DMC1: variants seen among roughly 807,000 people sequenced by gnomAD.
The protein encoded by DMC1 is meiotic recombination protein DMC1 homolog.
In DMC1, 27 loss-of-function variants were observed where a neutral mutation model predicts 50.1. The ratio of observed to expected loss-of-function variants is 0.54; its 90% CI spans 0.40 to 0.74. DMC1 has a LOEUF of 0.74. DMC1 is among the 30% of genes least tolerant of loss of function. The pLI, the probability that DMC1 is intolerant of heterozygous loss-of-function variation, is 0.00. For synonymous variants in DMC1, 148 were observed against 136.1 expected (o/e 1.09, Z -0.61); for missense variants, 295 against 420.2 (o/e 0.70, Z 2.60).
chr22:38,536,093 T>C (rs751693288), intron 12 of DMC1, among the ~76,000 whole-genome samples: 1 of 151,476 alleles, frequency 6.6e-6, no homozygotes, highest in Non-Finnish European at 1.5e-5. Context: ...TGGCGATGTG[T>C]GCCTCCCAGC....
intron 4 of DMC1, 130 bp downstream of exon 4, chr22:38,566,460 A>C (rs1046628494): frequency 1.0e-6 from 1 of 965,116 alleles, no homozygotes; most frequent in Admixed American, 2.0e-5. Context: ...AAAAGTTAAC[A>C]TGGGGAGTAT....
At chr22:38,543,042 C>A (rs2090303619) in intron 8 of DMC1, among the ~76,000 whole-genome samples, 1 of 152,052 alleles carries the variant, frequency 6.6e-6, no homozygotes, top group Non-Finnish European at 1.5e-5. Flanking sequence ...TCACCATATA[C>A]AAAAATCAAA....
intron 12 of DMC1, among the ~76,000 whole-genome samples, chr22:38,526,345 G>C (rs1243899026): frequency 6.6e-6 from 1 of 152,002 alleles, no homozygotes; most frequent in East Asian, 1.9e-4. Context: ...GCTAGTAGTA[G>C]ATTACAGGTA....
At chr22:38,543,230 GTTT>G (rs1234016755) in intron 8 of DMC1, among the ~76,000 whole-genome samples, 2 of 131,526 alleles carry the variant, frequency 1.5e-5, no homozygotes, top group Admixed American at 7.7e-5. Flanking sequence ...CCTGTAAATT[GTTT>G]TTTTTTTTTT....
At chr22:38,567,265 T>C (rs1385416825) in intron 3 of DMC1, among the ~76,000 whole-genome samples, 1 of 152,228 alleles carries the variant, frequency 6.6e-6, no homozygotes, top group Non-Finnish European at 1.5e-5. Flanking sequence ...TATCAACTGA[T>C]TGCTGTTGAA....
chr22:38,523,460 G>C (rs1188725134), intron 12 of DMC1, among the ~76,000 whole-genome samples: 1 of 152,154 alleles, frequency 6.6e-6, no homozygotes, highest in Non-Finnish European at 1.5e-5. Context: ...TGAACTCCGA[G>C]CCTGCAAACA....
chr22:38,541,146 T>C, intron 8 of DMC1, among the ~76,000 whole-genome samples: 1 of 152,066 alleles, frequency 6.6e-6, no homozygotes, highest in Non-Finnish European at 1.5e-5. Context: ...CTCCATGATT[T>C]AGCAGGAGAT....
chr22:38,553,366 T>G (rs139575484), intron 6 of DMC1, among the ~76,000 whole-genome samples: 1 of 147,494 alleles, frequency 6.8e-6, no homozygotes, highest in African/African-American at 2.5e-5. Flanking sequence ...GGTGTGGTGG[T>G]GGGCGCCTGT....
At chr22:38,533,395 C>CAAAAAAA (rs1296043692) in intron 12 of DMC1, among the ~76,000 whole-genome samples, 12 of 38,432 alleles carry the variant, frequency 3.1e-4, no homozygotes, top group East Asian at 8.1e-4. Context: ...GACTCCATCA[C>CAAAAAAA]AAAAAAAAAA....
the DMC1 span, among the ~76,000 whole-genome samples, chr22:38,513,824 T>A: frequency 6.6e-6 from 1 of 152,200 alleles, no homozygotes; most frequent in Non-Finnish European, 1.5e-5. Flanking sequence ...CCTCGGCCTC[T>A]CAAAGTGCTG....
intron 7 of DMC1, among the ~76,000 whole-genome samples, chr22:38,550,977 GA>G (rs1373690956): frequency 2.9e-5 from 4 of 140,254 alleles, no homozygotes; most frequent in South Asian, 4.7e-4. Context: ...AAAGAAAAAA[GA>G]AAAAAAAGAA....
rs756032722 is a variant in DMC1 at position 38,568,234 on chromosome 22, G to A, written c.23C>T (p.Ala8Val). 8 of 1,613,938 alleles carry A rather than the reference G, an allele frequency of 5.0e-6. No individual in the cohort carries two copies. The highest frequency in any genetic ancestry group is 4.5e-5 in the East Asian group (2 of 44,870). Residue 8 changes from alanine (A) to valine (V), a missense_variant, in exon 2 of 14, where the codon GCG (alanine) becomes GTG (valine). Transcript: ENST00000216024. Reference sequence around the variant, plus strand: ...TTCATCTTGGAATCCTGGTTCTTCCGCCACAACTTGATCCTCCTTCATATT... The same window carrying A: ...TTCATCTTGGAATCCTGGTTCTTCCACCACAACTTGATCCTCCTTCATATT... MKEDQVVAEEPGFQDEEE... is the reference protein window; with the variant it reads MKEDQVVVEEPGFQDEEE...
At chr22:38,542,546 A>G (rs2090294861) in intron 8 of DMC1, among the ~76,000 whole-genome samples, 1 of 152,220 alleles carries the variant, frequency 6.6e-6, no homozygotes, top group Non-Finnish European at 1.5e-5. Context: ...GATGAAATAC[A>G]TTGAAGAGGA....
intron 12 of DMC1, among the ~76,000 whole-genome samples, chr22:38,536,353 T>A (rs1253386748): frequency 6.6e-6 from 1 of 152,180 alleles, no homozygotes; most frequent in African/African-American, 2.4e-5. Flanking sequence ...TTTGATTGCT[T>A]ATTCAGACAC....
intron 12 of DMC1, among the ~76,000 whole-genome samples, chr22:38,528,575 C>T (rs1358994918): frequency 6.6e-6 from 1 of 151,802 alleles, no homozygotes; most frequent in African/African-American, 2.4e-5. Context: ...CCTTGGAGGC[C>T]CACAAGTTTG....
intron 13 of DMC1, among the ~76,000 whole-genome samples, chr22:38,520,532 A>C (rs1456850121): frequency 4.0e-5 from 6 of 151,884 alleles, no homozygotes; most frequent in African/African-American, 1.5e-4. Context: ...TAATTTTTGT[A>C]TTTTTAGTAG....
intron 1 of DMC1, 82 bp downstream of exon 1, chr22:38,569,961 A>G (rs529629507): frequency 1.3e-5 from 2 of 152,358 alleles, no homozygotes; most frequent in South Asian, 4.1e-4. Context: ...GACCCCAAAA[A>G]AGGAGCGAGA....
At chr22:38,546,945 T>C (rs571676374) in intron 8 of DMC1, among the ~76,000 whole-genome samples, 3 of 152,296 alleles carry the variant, frequency 2.0e-5, no homozygotes, top group Non-Finnish European at 4.4e-5. Flanking sequence ...AAGAAATAAG[T>C]ATTACAGCAA....
At position 38,519,933 on chromosome 22, in the gene DMC1, C is replaced by G. The variant is rs906162306; in HGVS notation, c.*87G>C. The G allele has an allele frequency of 9.0e-7, 1 of 1,107,316 alleles. No individual in the cohort carries two copies. The highest frequency in any genetic ancestry group is 1.4e-6 in the Non-Finnish European group (1 of 724,338). 68.6% of individuals were successfully genotyped at this position (1,107,316 alleles called of 1,614,324 possible). A position where few individuals can be genotyped will look rare whatever the true frequency, so the allele number is the denominator to read the frequency against. ...TTTAGTAACATGTGGGAAAAAACCTCTATTTCAAGATGTGAAATTGGAGAC... is the reference window on the plus strand; with the variant it reads ...TTTAGTAACATGTGGGAAAAAACCTGTATTTCAAGATGTGAAATTGGAGAC... On this transcript the variant is annotated 3_prime_UTR_variant, in exon 14 of 14. Transcript: ENST00000216024.
Sources: gnomAD v4.1 joint callset for allele counts (sites outside exome capture counted in the v4.1 genomes callset) on GRCh38, gnomAD v4.1.1 for gene constraint, MANE v1.5 for transcripts, NCBI Gene and HGNC (gene_info 2026-07-23, HGNC 2026-07-21) for gene names.